The following ADCY9 variants were observed in gnomAD, a reference collection of about 807,000 sequenced individuals.
The protein encoded by ADCY9 is adenylate cyclase 9.
A neutral mutation model predicts 101.5 loss-of-function variants in ADCY9; 50 were observed. The observed-to-expected ratio is 0.49, with a 90% CI of 0.39 to 0.62. The LOEUF (loss-of-function observed/expected upper bound fraction) is 0.62. Ranked by LOEUF, ADCY9 falls within the 20% of genes least tolerant of loss-of-function variation. The pLI, the probability that ADCY9 is intolerant of heterozygous loss-of-function variation, is 0.00. For missense variants in ADCY9, 1,662 were observed against 1,800.4 expected (o/e 0.92, Z 1.39); for synonymous variants, 905 against 769.3 (o/e 1.18, Z -2.92).
intron 2 of ADCY9, among the ~76,000 whole-genome samples, chr16:4,075,522 G>C (rs1200224428): frequency 6.6e-6 from 1 of 152,170 alleles, no homozygotes; most frequent in East Asian, 1.9e-4. Context: ...CAGCAGAAGA[G>C]GTAAGGGAAA....
intron 2 of ADCY9, among the ~76,000 whole-genome samples, chr16:4,020,516 G>T (rs185340272): frequency 1.3e-4 from 20 of 152,250 alleles, no homozygotes; most frequent in Non-Finnish European, 2.6e-4. Context: ...TAATAGCAGG[G>T]ATAGCCAATT....
rs146763371 is a variant in ADCY9, at chr16:4,071,507, T to A, written c.1693+42243A>T. 1.4e-4 allele frequency among the ~76,000 whole-genome samples: 21 copies of A among 152,190 alleles called. No homozygotes were observed. The East Asian group carries it at 3.9e-3, about 28-fold the overall frequency. On this transcript the variant is annotated intron_variant, in intron 2 of 10. Coordinates refer to ENST00000294016, the MANE Select transcript of ADCY9 (RefSeq NM_001116.4). ...CAATTCTTGCTACATTTGATGCAAA[T>A]CTTCAGGCCAAGTATAAAGCAACTA...
intron 2 of ADCY9, among the ~76,000 whole-genome samples, chr16:4,076,510 T>A (rs535903857): frequency 6.6e-6 from 1 of 152,328 alleles, no homozygotes; most frequent in African/African-American, 2.4e-5. Context: ...TTCTTGCAGA[T>A]GAAATATTCC....
At chr16:4,103,007 C>T (rs960530937) in intron 2 of ADCY9, among the ~76,000 whole-genome samples, 3 of 152,230 alleles carry the variant, frequency 2.0e-5, no homozygotes, top group African/African-American at 7.2e-5. Context: ...CAGGCACGAG[C>T]CATGGCCAGC....
At chr16:4,066,736 T>G (rs2056803442) in intron 2 of ADCY9, among the ~76,000 whole-genome samples, 1 of 152,112 alleles carries the variant, frequency 6.6e-6, no homozygotes, top group South Asian at 2.1e-4. Context: ...AACATTTACA[T>G]GAGATCCATG....
intron 2 of ADCY9, among the ~76,000 whole-genome samples, chr16:4,076,070 T>C (rs2056865352): frequency 6.6e-6 from 1 of 152,160 alleles, no homozygotes. Flanking sequence ...AGCACATGCC[T>C]GTGGTCCCAG....
In ADCY9 at chr16:3,966,811, T is replaced by C. The variant is rs1422083472; in HGVS notation, c.3026A>G (p.His1009Arg). The C allele has an allele frequency of 1.2e-6, 2 of 1,614,144 alleles. No homozygotes were observed. Among genetic ancestry groups the C allele is most frequent in the South Asian group, 2.2e-5 (2 of 91,092 alleles). Residue 1009 changes from histidine to arginine, a missense_variant, in exon 11 of 11, where the codon CAC (histidine) becomes CGC (arginine). Physicochemically the swap from His to Arg is conservative, Grantham distance 29 (BLOSUM62 0). Transcript: ENST00000294016. Reference protein sequence around the residue: ...EFEVSYRLHYHGDVEADLHRT... With the variant: ...EFEVSYRLHYRGDVEADLHRT... ...GTGAAGATCCGCTTCCACGTCTCCG[T>C]GGTAGTGGAGGCGGTAGCTGACTTC...
chr16:3,957,724 C>CT (rs1314117966), downstream of ADCY9, among the ~76,000 whole-genome samples: 4 of 151,632 alleles, frequency 2.6e-5, no homozygotes, highest in Non-Finnish European at 4.4e-5. Context: ...GAGGGCAGGG[C>CT]TAGGGGGCGG....
chr16:3,980,092 C>T (rs928411432), intron 7 of ADCY9, among the ~76,000 whole-genome samples: 1 of 152,236 alleles, frequency 6.6e-6, no homozygotes. Context: ...TCATGTTCAT[C>T]GTGCATGTTC....
intron 2 of ADCY9, among the ~76,000 whole-genome samples, chr16:4,034,264 T>C (rs2141757543): frequency 6.6e-6 from 1 of 152,300 alleles, no homozygotes; most frequent in Middle Eastern, 3.4e-3. Flanking sequence ...CCTTGTCAAC[T>C]TGGTGTCCAT....
At chr16:4,026,218 A>G (rs1215499579) in intron 2 of ADCY9, among the ~76,000 whole-genome samples, 1 of 152,142 alleles carries the variant, frequency 6.6e-6, no homozygotes, top group East Asian at 1.9e-4. Context: ...TGAGGTCAGG[A>G]GTCTGAGACC....
rs774669255 is a variant in ADCY9, at chr16:3,966,579, G to A, written c.3258C>T (p.Asn1086=). Residue 1086 remains asparagine, a synonymous_variant, in exon 11 of 11, where the codon AAC becomes AAT. Coordinates refer to ENST00000294016, the MANE Select transcript of ADCY9 (RefSeq NM_001116.4). ...GCTCGTCAAAGTCCCCGATGAGCTCGTTGAGGACCCGGTAGCACTCCTTGC... is the reference window on the plus strand; with the variant it reads ...GCTCGTCAAAGTCCCCGATGAGCTCATTGAGGACCCGGTAGCACTCCTTGC... ...EGGKECYRVL[N]ELIGDFDELL... is the part of the protein sequence containing the mutation. 7.4e-6 allele frequency: 12 copies of A among 1,614,072 alleles called. No individual in the cohort carries two copies. Among genetic ancestry groups the A allele is most frequent in the South Asian group, 2.2e-5 (2 of 91,082 alleles).
intron 2 of ADCY9, among the ~76,000 whole-genome samples, chr16:4,023,773 C>T (rs1212255739): frequency 1.3e-5 from 2 of 151,960 alleles, no homozygotes; most frequent in African/African-American, 4.8e-5. Flanking sequence ...ATTAGCCAGG[C>T]GGGGTACATG....
At chr16:4,026,539 G>A (rs770741630) in intron 2 of ADCY9, among the ~76,000 whole-genome samples, 2 of 151,724 alleles carry the variant, frequency 1.3e-5, no homozygotes, top group Admixed American at 6.6e-5. Context: ...AACGCTGTAC[G>A]CAAATGTTTG....
In ADCY9 at chr16:3,966,957, C is replaced by T. The variant is rs1003498888; in HGVS notation, c.2880G>A (p.Arg960=). The change falls in exon 11 of 11, where the codon AGG becomes AGA. Residue 960 remains arginine, a synonymous_variant. Coordinates refer to ENST00000294016, the MANE Select transcript of ADCY9 (RefSeq NM_001116.4). ...LDAVQNFSSE[R]NPCNSSVPRD... ...GCGGCACCGAACTATTGCACGGGTT[C>T]CTCTCGGAACTGGAGAGCAAAGACA... The T allele has an allele frequency of 6.2e-7, 1 of 1,610,802 alleles. No homozygotes were observed. The highest frequency in any genetic ancestry group is 8.5e-7 in the Non-Finnish European group (1 of 1,178,208).
At chr16:4,090,421 A>G (rs1196680280) in intron 2 of ADCY9, among the ~76,000 whole-genome samples, 1 of 152,154 alleles carries the variant, frequency 6.6e-6, no homozygotes, top group Non-Finnish European at 1.5e-5. Context: ...CAAAATAAAA[A>G]TGAACTATGA....
In ADCY9 at chr16:3,967,041, C is replaced by A. The variant is rs566448676; in HGVS notation, c.2871-75G>T. ...AAGCTCAGAACAGCCCCGCTAGCTA[C>A]GCAAAGCTTTGTTGAGTCCAGGCCT... On this transcript the variant is annotated intron_variant, in intron 10 of 10. Transcript: ENST00000294016. 4.9e-5 allele frequency: 63 copies of A among 1,288,410 alleles called. No homozygotes were observed. In the East Asian group the frequency reaches 1.5e-3, roughly 30 times the overall value. The allele number at this position is 1,288,410 out of a possible 1,614,324, so 79.8% of individuals were successfully genotyped here. A position where few individuals can be genotyped will look rare whatever the true frequency, so the allele number is the denominator to read the frequency against.
At chr16:4,109,268 C>T (rs1053313564) in intron 2 of ADCY9, among the ~76,000 whole-genome samples, 14 of 152,286 alleles carry the variant, frequency 9.2e-5, no homozygotes, top group Admixed American at 6.5e-4. Context: ...CTCACTCTGT[C>T]GCCCAGGCTG....
chr16:4,047,984 C>T (rs1182541976), intron 2 of ADCY9, among the ~76,000 whole-genome samples: 5 of 152,284 alleles, frequency 3.3e-5, no homozygotes, highest in Middle Eastern at 3.4e-3. Context: ...GACGCTCTGC[C>T]GTGACCCACT....
Sources: gnomAD v4.1 joint callset for allele counts (sites outside exome capture counted in the v4.1 genomes callset) on GRCh38, gnomAD v4.1.1 for gene constraint, MANE v1.5 for transcripts, NCBI Gene and HGNC (gene_info 2026-07-23, HGNC 2026-07-21) for gene names.